The following CDKAL1 variants were observed in gnomAD, a reference collection of about 807,000 sequenced individuals.
CDKAL1 encodes the protein threonylcarbamoyladenosine tRNA methylthiotransferase.
In CDKAL1, 32 loss-of-function variants were observed where a neutral mutation model predicts 68.2. The observed-to-expected ratio is 0.47, with a 90% CI of 0.35 to 0.63. CDKAL1 has a LOEUF of 0.63. Ranked by LOEUF, CDKAL1 falls within the 30% of genes least tolerant of loss-of-function variation. The pLI is 0.00. For synonymous variants in CDKAL1, 234 were observed against 244.3 expected (o/e 0.96, Z 0.39); for missense variants, 606 against 696.7 (o/e 0.87, Z 1.47).
At chr6:20,622,490 G>A (rs1348432853) in intron 4 of CDKAL1, among the ~76,000 whole-genome samples, 1 of 152,120 alleles carries the variant, frequency 6.6e-6, no homozygotes, top group Non-Finnish European at 1.5e-5. Context: ...GGAGAGTAGT[G>A]TTGGATTGAT....
intron 13 of CDKAL1, among the ~76,000 whole-genome samples, chr6:21,111,688 C>G (rs1774127770): frequency 6.6e-6 from 1 of 152,188 alleles, no homozygotes. Context: ...CAGAATAAGG[C>G]TTAGAAAATA....
chr6:20,899,084 T>G (rs1761839465), intron 9 of CDKAL1, among the ~76,000 whole-genome samples: 1 of 72,986 alleles, frequency 1.4e-5, no homozygotes, highest in African/African-American at 5.2e-5. Context: ...TTTTTTTTTT[T>G]GATGGAGTCT....
chr6:20,934,660 C>T (rs1209790780), intron 9 of CDKAL1, among the ~76,000 whole-genome samples: 2 of 151,870 alleles, frequency 1.3e-5, no homozygotes, highest in Non-Finnish European at 2.9e-5. Flanking sequence ...GGCATGGCAA[C>T]GTAGTGACAC....
intron 9 of CDKAL1, among the ~76,000 whole-genome samples, chr6:20,890,113 G>A (rs1761312611): frequency 6.6e-6 from 1 of 152,034 alleles, no homozygotes; most frequent in Non-Finnish European, 1.5e-5. Context: ...TGATATGAAA[G>A]AAAAAAATAA....
chr6:21,082,236 C>T (rs531626111), intron 12 of CDKAL1, among the ~76,000 whole-genome samples: 9 of 151,382 alleles, frequency 5.9e-5, no homozygotes, highest in African/African-American at 1.9e-4. Context: ...AATGACATGC[C>T]TTCAGAGAAG....
intron 8 of CDKAL1, among the ~76,000 whole-genome samples, chr6:20,834,586 C>T (rs1777852689): frequency 6.6e-6 from 1 of 152,132 alleles, no homozygotes; most frequent in Admixed American, 6.6e-5. Flanking sequence ...CAAAGAGGAC[C>T]TCTCGTATCA....
intron 9 of CDKAL1, among the ~76,000 whole-genome samples, chr6:20,872,881 C>T (rs1467847464): frequency 5.3e-5 from 8 of 151,944 alleles, no homozygotes; most frequent in Admixed American, 5.2e-4. Context: ...TTGAAAAACT[C>T]GAGAATTTGG....
At chr6:20,868,840 A>G (rs776978275) in intron 9 of CDKAL1, among the ~76,000 whole-genome samples, 1 of 152,216 alleles carries the variant, frequency 6.6e-6, no homozygotes, top group Non-Finnish European at 1.5e-5. Flanking sequence ...GTTGAATGCT[A>G]TGGAACTGCA....
chr6:20,959,602 C>T (rs1032253082), intron 10 of CDKAL1, among the ~76,000 whole-genome samples: 5 of 148,400 alleles, frequency 3.4e-5, no homozygotes, highest in Admixed American at 6.7e-5. Context: ...ACCTTTTTCT[C>T]ATGATATACT....
chr6:21,102,319 G>A lies in CDKAL1; in HGVS notation c.1237-6082G>A, dbSNP rs192003022. ...GTCACATTGCTGACTGAATTTAATG[G>A]GCCTAGCGTTGCCTACACCCTCATT... On this transcript the variant is annotated intron_variant, in intron 12 of 15. Transcript: ENST00000274695. 7.2e-5 allele frequency among the ~76,000 whole-genome samples: 11 copies of A among 152,138 alleles called. No individual in the cohort carries two copies. In the East Asian group the frequency reaches 1.7e-3, roughly 24 times the overall value.
chr6:20,903,995 C>T (rs1027758037), intron 9 of CDKAL1, among the ~76,000 whole-genome samples: 4 of 152,162 alleles, frequency 2.6e-5, no homozygotes, highest in African/African-American at 9.7e-5. Flanking sequence ...AGCATGGTAG[C>T]AGCTACACAC....
intron 9 of CDKAL1, among the ~76,000 whole-genome samples, chr6:20,848,860 A>G (rs1758842597): frequency 6.6e-6 from 1 of 150,986 alleles, no homozygotes; most frequent in African/African-American, 2.4e-5. Flanking sequence ...TGGTACAGTC[A>G]GAGCTTACTG....
At chr6:21,131,503 C>T (rs1319445893) in intron 13 of CDKAL1, among the ~76,000 whole-genome samples, 3 of 152,064 alleles carry the variant, frequency 2.0e-5, no homozygotes, top group Non-Finnish European at 2.9e-5. Flanking sequence ...GTGGTGTGGT[C>T]GGTATTGTTA....
chr6:21,131,166 A>C (rs560280117), intron 13 of CDKAL1, among the ~76,000 whole-genome samples: 3 of 152,350 alleles, frequency 2.0e-5, no homozygotes, highest in African/African-American at 4.8e-5. Context: ...ATAAGGCATA[A>C]AAGGAGTAAG....
At chr6:20,774,069 G>A (rs908366684) in intron 7 of CDKAL1, among the ~76,000 whole-genome samples, 13 of 152,090 alleles carry the variant, frequency 8.5e-5, no homozygotes, top group Admixed American at 5.2e-4. Context: ...AAACCAACAA[G>A]CCTTGGCATG....
chr6:20,702,039 C>T (rs1771385456), intron 5 of CDKAL1, among the ~76,000 whole-genome samples: 1 of 152,186 alleles, frequency 6.6e-6, no homozygotes, highest in South Asian at 2.1e-4. Flanking sequence ...TAAATTTTCT[C>T]AGAAAAGGAG....
At chr6:20,687,686 C>G (rs1770688652) in intron 5 of CDKAL1, among the ~76,000 whole-genome samples, 1 of 151,986 alleles carries the variant, frequency 6.6e-6, no homozygotes, top group African/African-American at 2.4e-5. Flanking sequence ...CCACCACATG[C>G]AGCTAATTTT....
At chr6:21,011,245 G>A (rs184067786) in intron 11 of CDKAL1, among the ~76,000 whole-genome samples, 99 of 132,982 alleles carry the variant, frequency 7.4e-4, no homozygotes, top group Middle Eastern at 5.7e-3. Context: ...TTAGCCGGGC[G>A]CGGTGGCGGG....
intron 10 of CDKAL1, among the ~76,000 whole-genome samples, chr6:20,994,666 C>T (rs140828087): frequency 1.3e-5 from 2 of 152,226 alleles, no homozygotes; most frequent in African/African-American, 2.4e-5. Flanking sequence ...AAGCAAGTTA[C>T]GTGAATTTTT....
Sources: gnomAD v4.1 joint callset for allele counts (sites outside exome capture counted in the v4.1 genomes callset) on GRCh38, gnomAD v4.1.1 for gene constraint, MANE v1.5 for transcripts, NCBI Gene and HGNC (gene_info 2026-07-23, HGNC 2026-07-21) for gene names.